CORIN: variants seen among roughly 807,000 people sequenced by gnomAD.
CORIN encodes corin, serine peptidase.
In CORIN, 117 loss-of-function variants were observed where a neutral mutation model predicts 125.3. The ratio of observed to expected loss-of-function variants is 0.93; its 90% CI spans 0.80 to 1.09. The LOEUF (loss-of-function observed/expected upper bound fraction) is 1.09. Ranked by LOEUF, CORIN falls within the 50% of genes least tolerant of loss-of-function variation. CORIN has a pLI of 0.00. For missense variants in CORIN, 1,253 were observed against 1,306.7 expected (o/e 0.96, Z 0.63); for synonymous variants, 450 against 466.4 (o/e 0.96, Z 0.45).
chr4:47,805,661 G>A (rs1731762151), intron 2 of CORIN, among the ~76,000 whole-genome samples: 1 of 152,024 alleles, frequency 6.6e-6, no homozygotes, highest in Non-Finnish European at 1.5e-5. Context: ...ACCCATAGCA[G>A]TGTTTTGTAA....
intron 3 of CORIN, among the ~76,000 whole-genome samples, chr4:47,769,249 C>T (rs1729906935): frequency 6.6e-6 from 1 of 150,878 alleles, no homozygotes; most frequent in African/African-American, 2.4e-5. Context: ...ACAAACTGTA[C>T]AAAAAAGAAA....
chr4:47,727,568 T>A (rs947966056), intron 5 of CORIN, among the ~76,000 whole-genome samples: 2 of 152,080 alleles, frequency 1.3e-5, no homozygotes, highest in Admixed American at 1.3e-4. Flanking sequence ...TTATGCACAG[T>A]TTTGTTCTAG....
Position 47,731,625 on chromosome 4 carries a change from C to T in CORIN, c.799+12777G>A, listed in dbSNP as rs561638893. Among the ~76,000 whole-genome samples the T allele has an allele frequency of 7.9e-4, 120 of 152,200 alleles. 3 individuals are homozygous for T. In the Middle Eastern group the frequency reaches 0.01, roughly 13 times the overall value. On this transcript the variant is annotated intron_variant, in intron 5 of 21. Transcript: ENST00000273857. ...GTGGCTCACGCCTGTAAACCCAGTA[C>T]TTTGGGAGGCTGAGACAGGTGGATC...
In CORIN at chr4:47,626,452, G is replaced by T. The variant is rs1239265322; in HGVS notation, c.2268C>A (p.Asn756Lys). 3 of 1,613,948 alleles carry T rather than the reference G, an allele frequency of 1.9e-6. No homozygotes were observed. Among genetic ancestry groups the T allele is most frequent in the South Asian group, 2.2e-5 (2 of 91,076 alleles). Residue 756 changes from asparagine (N) to lysine (K), a missense_variant, in exon 17 of 22, where the codon AAC (asparagine) becomes AAA (lysine). Asn to Lys is a moderately conservative substitution (Grantham distance 94, BLOSUM62 0). Transcript: ENST00000273857. ...AAGTGGTCCCATTGAGGCTCTCCCA[G>T]TTGGAGTGTAATGTCAGCCACCGCG... ...KEPRWLTLHS[N>K]WESLNGTTLH...
At chr4:47,675,668 A>G (rs546122895) in intron 9 of CORIN, among the ~76,000 whole-genome samples, 181 of 152,298 alleles carry the variant, frequency 1.2e-3, no homozygotes, top group African/African-American at 4.1e-3. Flanking sequence ...GCTCTGATAG[A>G]GGTATCATCC....
At chr4:47,690,391 T>C (rs1725713231) in intron 6 of CORIN, among the ~76,000 whole-genome samples, 3 of 152,236 alleles carry the variant, frequency 2.0e-5, no homozygotes, top group Admixed American at 2.0e-4. Context: ...CCTATGCTGA[T>C]AATTAAATCA....
intron 19 of CORIN, among the ~76,000 whole-genome samples, chr4:47,615,685 C>A (rs1722043681): frequency 6.6e-6 from 1 of 152,308 alleles, no homozygotes; most frequent in South Asian, 2.1e-4. Context: ...CCACCGGGAT[C>A]TAGGCAACAG....
intron 5 of CORIN, among the ~76,000 whole-genome samples, chr4:47,705,886 T>A (rs1229482501): frequency 6.6e-6 from 1 of 152,230 alleles, no homozygotes; most frequent in East Asian, 1.9e-4. Context: ...CTATTTCATG[T>A]GTTTTCAGTA....
At chr4:47,796,977 T>A (rs765878540) in intron 2 of CORIN, among the ~76,000 whole-genome samples, 42 of 152,122 alleles carry the variant, frequency 2.8e-4, no homozygotes, top group Admixed American at 9.2e-4. Flanking sequence ...CTTAATGAAG[T>A]GATCATTTGT....
chr4:47,597,190 C>T (rs1005572299), intron 21 of CORIN, among the ~76,000 whole-genome samples: 4 of 151,830 alleles, frequency 2.6e-5, no homozygotes, highest in Non-Finnish European at 5.9e-5. Flanking sequence ...TGTCTCTACT[C>T]AAAATACAAA....
rs1199554625 is a variant in CORIN at position 47,620,620 on chromosome 4, G to C, written c.2540+2951C>G. Reference sequence around the variant, plus strand: ...AGGTAAATGAGTGTGGGAGAATAGTGCTAGCAAAATGCAAAAATACTCATG... The same window carrying C: ...AGGTAAATGAGTGTGGGAGAATAGTCCTAGCAAAATGCAAAAATACTCATG... On this transcript the variant is annotated intron_variant, in intron 19 of 21. Coordinates refer to ENST00000273857, the MANE Select transcript of CORIN (RefSeq NM_006587.4). Among the ~76,000 whole-genome samples, 6 of 152,288 alleles carry C rather than the reference G, an allele frequency of 3.9e-5. No individual in the cohort carries two copies. The East Asian group carries it at 1.2e-3, about 29-fold the overall frequency.
Position 47,641,913 on chromosome 4 carries a change from A to T in CORIN, c.2198+7T>A, listed in dbSNP as rs191176929. ...AATTCATCAGTGCTACAAACTACTG[A>T]CCTTACCCTAAACCCATCTGCTTGC... is the stretch of plus-strand genomic sequence containing the variant. On this transcript the variant is annotated splice_region_variant and intron_variant, in intron 16 of 21. Coordinates refer to ENST00000273857, the MANE Select transcript of CORIN (RefSeq NM_006587.4). The T allele has an allele frequency of 7.4e-6, 12 of 1,612,494 alleles. No individual in the cohort carries two copies. In the African/African-American group the frequency reaches 1.2e-4, roughly 16 times the overall value.
At chr4:47,604,500 G>A (rs115269096) in intron 19 of CORIN, among the ~76,000 whole-genome samples, 1,672 of 152,266 alleles carry the variant, frequency 0.011, 30 homozygotes, top group African/African-American at 0.038. Flanking sequence ...TCAGTTGGAT[G>A]TTTCAGCCAA....
In CORIN at chr4:47,603,622, G is replaced by T. The variant is rs759722824; in HGVS notation, c.2587C>A (p.Leu863Ile). 3 of 1,614,206 alleles carry T rather than the reference G, an allele frequency of 1.9e-6. No homozygotes were observed. In the East Asian group the frequency reaches 6.7e-5, roughly 36 times the overall value. ...VWKVVLGINNLDHPSVFMQTR... is the reference protein window; with the variant it reads ...VWKVVLGINNIDHPSVFMQTR... ...TGCATGAACACTGATGGATGGTCTAGATTGTTGATGCCAAGCACCACTTTC... is the reference window on the plus strand; with the variant it reads ...TGCATGAACACTGATGGATGGTCTATATTGTTGATGCCAAGCACCACTTTC... The change falls in exon 20 of 22, where the codon CTA becomes ATA. Residue 863 changes from leucine to isoleucine, a missense_variant. By Grantham distance (5) the Leu-to-Ile change is conservative. Transcript: ENST00000273857.
intron 19 of CORIN, among the ~76,000 whole-genome samples, chr4:47,613,092 T>C (rs1016787700): frequency 1.3e-5 from 2 of 152,248 alleles, no homozygotes; most frequent in Non-Finnish European, 2.9e-5. Context: ...ATTCTGATAC[T>C]ACCATCACAA....
At chr4:47,703,172 C>T (rs548542561) in intron 5 of CORIN, among the ~76,000 whole-genome samples, 4 of 152,250 alleles carry the variant, frequency 2.6e-5, no homozygotes, top group African/African-American at 9.6e-5. Context: ...GTCAGCACTC[C>T]GCTGGAGCCC....
chr4:47,744,324 A>G (rs1239337844), intron 5 of CORIN, 78 bp downstream of exon 5: 15 of 1,302,538 alleles, frequency 1.2e-5, no homozygotes, highest in Non-Finnish European at 1.6e-5. Flanking sequence ...CTGTACACTT[A>G]TTATTTATAT....
At chr4:47,615,273 G>A (rs1316909401) in intron 19 of CORIN, among the ~76,000 whole-genome samples, 2 of 152,144 alleles carry the variant, frequency 1.3e-5, no homozygotes, top group Admixed American at 6.5e-5. Context: ...ATAATGGGAA[G>A]CCAATGTAGG....
chr4:47,762,047 T>C (rs1352541673), intron 4 of CORIN, among the ~76,000 whole-genome samples: 1 of 152,076 alleles, frequency 6.6e-6, no homozygotes, highest in East Asian at 1.9e-4. Flanking sequence ...TACACATGTA[T>C]ACACACATAT....
Sources: gnomAD v4.1 joint callset for allele counts (sites outside exome capture counted in the v4.1 genomes callset) on GRCh38, gnomAD v4.1.1 for gene constraint, MANE v1.5 for transcripts, NCBI Gene and HGNC (gene_info 2026-07-23, HGNC 2026-07-21) for gene names.